Variants in EPRS1 observed in about 807,000 individuals in gnomAD.
The protein encoded by EPRS1 is glutamyl-prolyl-tRNA synthetase 1.
In EPRS1, 107 loss-of-function variants were observed where a neutral mutation model predicts 188.3. The observed-to-expected ratio is 0.57, with a 90% CI of 0.49 to 0.67. The LOEUF (loss-of-function observed/expected upper bound fraction) is 0.67. Among genes scored for constraint, EPRS1 ranks in the 30% least tolerant of loss-of-function variants. The pLI, the probability that EPRS1 is intolerant of heterozygous loss-of-function variation, is 0.00. For synonymous variants in EPRS1, 596 were observed against 593.1 expected (o/e 1.00, Z -0.07); for missense variants, 1,577 against 1,802.2 (o/e 0.88, Z 2.26).
intron 20 of EPRS1, among the ~76,000 whole-genome samples, chr1:219,985,286 C>G (rs1385691734): frequency 6.6e-6 from 1 of 152,110 alleles, no homozygotes; most frequent in Non-Finnish European, 1.5e-5. Context: ...ATAGTAAGAT[C>G]ACTGTTTCAC....
At chr1:220,044,238 T>C (rs1478335392) in intron 1 of EPRS1, among the ~76,000 whole-genome samples, 2 of 152,162 alleles carry the variant, frequency 1.3e-5, no homozygotes, top group African/African-American at 4.8e-5. Flanking sequence ...AAAGATAAAA[T>C]GTAATTGAAT....
chr1:220,017,570 C>T (rs193133731), intron 12 of EPRS1, among the ~76,000 whole-genome samples: 2 of 152,222 alleles, frequency 1.3e-5, no homozygotes, highest in East Asian at 3.9e-4. Context: ...AAAACAAATT[C>T]AAGACACATG....
chr1:220,022,458 G>T lies in EPRS1; in HGVS notation c.1004C>A (p.Ser335Tyr). ...EMKKGSQFGQSCCLRAKIDMS... is the reference protein window; with the variant it reads ...EMKKGSQFGQYCCLRAKIDMS... ...GTCAATTTTTGCTCGCAAACAACAG[G>T]ACTGACCAAACTGGCTCCCTTTTTT... Residue 335 changes from serine (S) to tyrosine (Y), a missense_variant, in exon 9 of 32, where the codon TCC becomes TAC. Ser to Tyr is a moderately radical substitution (Grantham distance 144). Transcript: ENST00000366923. 6.2e-7 allele frequency: 1 copy of T among 1,614,008 alleles called. No individual in the cohort carries two copies. Among genetic ancestry groups the T allele is most frequent in the Non-Finnish European group, 8.5e-7 (1 of 1,179,928 alleles).
intron 29 of EPRS1, among the ~76,000 whole-genome samples, chr1:219,972,916 T>C (rs1176843914): frequency 6.6e-6 from 1 of 152,212 alleles, no homozygotes; most frequent in African/African-American, 2.4e-5. Context: ...TCCCAGGTGC[T>C]GCCAATGTGT....
chr1:220,034,618 C>G (rs1161501488), intron 3 of EPRS1, among the ~76,000 whole-genome samples: 1 of 152,174 alleles, frequency 6.6e-6, no homozygotes, highest in African/African-American at 2.4e-5. Flanking sequence ...ATGAGATGAT[C>G]TATACAGCCC....
intron 6 of EPRS1, among the ~76,000 whole-genome samples, chr1:220,026,168 G>A (rs1275897065): frequency 6.6e-6 from 1 of 151,982 alleles, no homozygotes; most frequent in Non-Finnish European, 1.5e-5. Flanking sequence ...TTGTTATATA[G>A]GTAAACTCAT....
chr1:219,988,589 C>A lies in EPRS1; in HGVS notation c.2775+1G>T, dbSNP rs775019819. 2.5e-6 allele frequency: 4 copies of A among 1,600,156 alleles called. No homozygotes were observed. Among genetic ancestry groups the A allele is most frequent in the Non-Finnish European group, 1.7e-6 (2 of 1,167,842 alleles). Reference sequence around the variant, plus strand: ...GCATATAAACAAAATAACACACTAACCTTAGGGGCTTTTTCAGTTTTAAGT... The same window carrying A: ...GCATATAAACAAAATAACACACTAAACTTAGGGGCTTTTTCAGTTTTAAGT... On this transcript the variant is annotated splice_donor_variant, in intron 19 of 31. Transcript: ENST00000366923. LOFTEE classifies it high-confidence loss of function.
Position 220,022,502 on chromosome 1 carries a change from T to C in EPRS1, c.960A>G (p.Leu320=), listed in dbSNP as rs559005007. The C allele has an allele frequency of 2.9e-4, 466 of 1,612,772 alleles. 2 individuals carry two copies. In the South Asian group the frequency reaches 4.7e-3, roughly 16 times the overall value. Residue 320 remains leucine (L), a synonymous_variant, in exon 9 of 32, where the codon CTA becomes CTG. Coordinates refer to ENST00000366923, the MANE Select transcript of EPRS1 (RefSeq NM_004446.3). ...CTTTTTTCATTTCTTCCCACATTTGTAGATTCTTCTCAATAGCTATAAAAT... is the reference window on the plus strand; with the variant it reads ...CTTTTTTCATTTCTTCCCACATTTGCAGATTCTTCTCAATAGCTATAAAAT... ...KHRKNPIEKN[L]QMWEEMKKGS... is the part of the protein sequence containing the mutation.
chr1:220,043,022 T>C (rs1439495277), intron 1 of EPRS1, among the ~76,000 whole-genome samples: 3 of 151,892 alleles, frequency 2.0e-5, no homozygotes, highest in Non-Finnish European at 4.4e-5. Context: ...TAGGCACATA[T>C]GAGAATATAA....
intron 30 of EPRS1, 58 bp downstream of exon 30, chr1:219,972,011 C>A: frequency 9.2e-7 from 1 of 1,092,824 alleles, no homozygotes; most frequent in African/African-American, 1.6e-5. Flanking sequence ...TTCAATGAGC[C>A]TTAAAATACA....
At chr1:220,026,659 T>C (rs1571692515) in intron 6 of EPRS1, among the ~76,000 whole-genome samples, 1 of 151,902 alleles carries the variant, frequency 6.6e-6, no homozygotes, top group Non-Finnish European at 1.5e-5. Flanking sequence ...GCCTCCCAAG[T>C]AGCTGATACT....
At chr1:220,000,323 T>G (rs74950124) in intron 17 of EPRS1, among the ~76,000 whole-genome samples, 4,029 of 152,338 alleles carry the variant, frequency 0.026, 95 homozygotes, top group East Asian at 0.12. Context: ...ATTTTCAAGG[T>G]GTGGTCCACA....
At chr1:219,998,363 A>G (rs1661276213) in intron 17 of EPRS1, among the ~76,000 whole-genome samples, 1 of 151,934 alleles carries the variant, frequency 6.6e-6, no homozygotes, top group African/African-American at 2.4e-5. Flanking sequence ...TGGGCATGTC[A>G]GTAAAAAAAA....
At chr1:220,046,310 A>T (rs766171278) in intron 1 of EPRS1, 33 bp downstream of exon 1, 7 of 1,613,784 alleles carry the variant, frequency 4.3e-6, no homozygotes, top group Non-Finnish European at 5.9e-6. Context: ...TGGCTGATGC[A>T]ACCCACACAG....
In EPRS1 at chr1:219,978,608, C is replaced by T. The variant is rs758814740; in HGVS notation, c.4021G>A (p.Val1341Ile). ...RRRLLSVNIR[V>I]RADLRDNYSP... ...TAATTATCTCGTAAATCAGCTCTAA[C>T]GCGGATGTTAACACTGAGTAATCGC... The change falls in exon 28 of 32, where the codon GTT becomes ATT. Residue 1341 changes from valine to isoleucine, a missense_variant. By Grantham distance (29) the Val-to-Ile change is conservative (BLOSUM62 3). This residue lies in a region of EPRS1 where 296 missense variants were observed against 327.9 expected (regional missense o/e 0.90). Transcript: ENST00000366923. The T allele has an allele frequency of 1.4e-5, 22 of 1,609,004 alleles. No homozygotes were observed. The highest frequency in any genetic ancestry group is 5.4e-5 in the African/African-American group (4 of 74,678).
In EPRS1 at chr1:220,022,365, C is replaced by T; in HGVS notation, c.1097G>A (p.Arg366Lys). 1.2e-6 allele frequency: 2 copies of T among 1,613,218 alleles called. No individual in the cohort carries two copies. Among genetic ancestry groups the T allele is most frequent in the East Asian group, 2.2e-5 (1 of 44,862 alleles). The change falls in exon 9 of 32, where the codon AGA becomes AAA. Residue 366 changes from arginine to lysine, a missense_variant. Transcript: ENST00000366923. ...TACTTACTTGTATTTATTTCCAGTT[C>T]TTGGATGTGGTTGAATTTTGCAGCG... is the stretch of plus-strand genomic sequence containing the variant. ...LYRCKIQPHP[R>K]TGNKYNVYPT...
chr1:220,034,323 A>G (rs1049883232), intron 3 of EPRS1, among the ~76,000 whole-genome samples: 7 of 152,204 alleles, frequency 4.6e-5, no homozygotes, highest in Admixed American at 2.6e-4. Context: ...AATAGGCTAC[A>G]CTGTATAGCC....
chr1:220,019,340 G>A (rs776877595), intron 10 of EPRS1, among the ~76,000 whole-genome samples: 5 of 152,024 alleles, frequency 3.3e-5, no homozygotes, highest in Admixed American at 6.5e-5. Flanking sequence ...ACACAATGGT[G>A]ACATTTTCAA....
At position 219,983,227 on chromosome 1, in the gene EPRS1, C is replaced by T; in HGVS notation, c.3262G>A (p.Glu1088Lys). 1 of 1,614,116 alleles carries T rather than the reference C, an allele frequency of 6.2e-7. No homozygotes were observed. Among genetic ancestry groups the T allele is most frequent in the Admixed American group, 1.7e-5 (1 of 60,030 alleles). The change falls in exon 22 of 32, where the codon GAG (glutamate) becomes AAG (lysine). Residue 1088 changes from glutamate to lysine, a missense_variant. Glu to Lys is a moderately conservative substitution (Grantham distance 56). Transcript: ENST00000366923. ...TCAGCAACATGAGTCTTCTCTTTCT[C>T]TAATGCACTTTGAGACACAAACATG... is the stretch of plus-strand genomic sequence containing the variant. ...FPMFVSQSALEKEKTHVADFA... is the reference protein window; with the variant it reads ...FPMFVSQSALKKEKTHVADFA...
Sources: gnomAD v4.1 joint callset for allele counts (sites outside exome capture counted in the v4.1 genomes callset) on GRCh38, gnomAD v4.1.1 for gene constraint, gnomAD v4.1.1 regional missense constraint, MANE v1.5 for transcripts, NCBI Gene and HGNC (gene_info 2026-07-23, HGNC 2026-07-21) for gene names.